The following CD109 variants were observed in gnomAD, a reference collection of about 807,000 sequenced individuals.
The protein encoded by CD109 is CD109 antigen.
In CD109, 149 loss-of-function variants were observed where a neutral mutation model predicts 165.8. The observed-to-expected ratio is 0.90, with a 90% CI of 0.79 to 1.03. The LOEUF is 1.03. Ranked by LOEUF, CD109 falls within the 50% of genes least tolerant of loss-of-function variation. CD109 has a pLI of 0.00. For missense variants in CD109, 1,712 were observed against 1,677.8 expected (o/e 1.02, Z -0.36); for synonymous variants, 585 against 592.1 (o/e 0.99, Z 0.18).
chr6:73,815,954 C>G (rs796181904), intron 30 of CD109, among the ~76,000 whole-genome samples: 23 of 152,300 alleles, frequency 1.5e-4, no homozygotes, highest in African/African-American at 5.3e-4. Context: ...TAAAATATCC[C>G]ATAGTGTCCT....
intron 2 of CD109, among the ~76,000 whole-genome samples, chr6:73,700,405 G>GC (rs1330740290): frequency 6.6e-6 from 1 of 151,906 alleles, no homozygotes; most frequent in Non-Finnish European, 1.5e-5. Context: ...GCCACCCCCA[G>GC]CCCCCCAACA....
chr6:73,801,235 A>G (rs1775350632), intron 23 of CD109, among the ~76,000 whole-genome samples: 1 of 152,230 alleles, frequency 6.6e-6, no homozygotes, highest in South Asian at 2.1e-4. Flanking sequence ...TGCACATGGT[A>G]TCTGTATCCG....
intron 23 of CD109, among the ~76,000 whole-genome samples, chr6:73,798,982 CCTT>C (rs1274614551): frequency 6.6e-6 from 1 of 152,074 alleles, no homozygotes. Context: ...CCTCTCCTCT[CCTT>C]CTCCTCTCTT....
At chr6:73,800,357 G>A (rs1775320347) in intron 23 of CD109, among the ~76,000 whole-genome samples, 2 of 151,878 alleles carry the variant, frequency 1.3e-5, no homozygotes, top group African/African-American at 2.4e-5. Flanking sequence ...CCAGTTTTGG[G>A]GCACTAAGAT....
chr6:73,820,355 A>G (rs1455783486), intron 31 of CD109, 106 bp from the exon 32 acceptor site: 6 of 599,042 alleles, frequency 1.0e-5, no homozygotes, highest in Non-Finnish European at 1.8e-5. Flanking sequence ...AATCCTCCCT[A>G]AGTGTTAGTC....
intron 22 of CD109, among the ~76,000 whole-genome samples, chr6:73,789,129 T>C (rs546966577): frequency 6.6e-6 from 1 of 152,312 alleles, no homozygotes; most frequent in South Asian, 2.1e-4. Context: ...CTTGGTCATG[T>C]ATATCTTAAA....
In CD109 at chr6:73,732,847, G is replaced by A. The variant is rs138484407; in HGVS notation, c.507+2273G>A. On this transcript the variant is annotated intron_variant, in intron 4 of 32. Coordinates refer to ENST00000287097, the MANE Select transcript of CD109 (RefSeq NM_133493.5). ...TGCAGTTTGGGACTTAGCAGACCAC[G>A]TTTGGCTTTCTGGAAAGGGCTCAGA... Among the ~76,000 whole-genome samples, 5 of 152,276 alleles carry A rather than the reference G, an allele frequency of 3.3e-5. No homozygotes were observed. The South Asian group carries it at 6.2e-4, about 19-fold the overall frequency.
Position 73,763,660 on chromosome 6 carries a change from A to C in CD109, c.1082A>C (p.Lys361Thr), listed in dbSNP as rs753920102. Residue 361 changes from lysine to threonine, a missense_variant, in exon 10 of 33, where the codon AAG becomes ACG. Physicochemically the swap from Lys to Thr is moderately conservative, Grantham distance 78 (BLOSUM62 -1). Coordinates refer to ENST00000287097, the MANE Select transcript of CD109 (RefSeq NM_133493.5). Reference protein sequence around the residue: ...IEFFDYTTVLKPSLNFTATVK... With the variant: ...IEFFDYTTVLTPSLNFTATVK... ...TTTTTTGATTATACTACTGTCTTGA[A>C]GCCATCTCTCAACTTCACAGCCACT... is the stretch of plus-strand genomic sequence containing the variant. The C allele has an allele frequency of 6.3e-7, 1 of 1,585,156 alleles. No homozygotes were observed. The highest frequency in any genetic ancestry group is 1.3e-5 in the African/African-American group (1 of 74,490).
rs1776324809 is a variant in CD109, at chr6:73,828,030, T to C, written c.*4397T>C. 6.5e-6 allele frequency: 1 copy of C among 154,794 alleles called. No individual in the cohort carries two copies. Among genetic ancestry groups the C allele is most frequent in the Non-Finnish European group, 1.5e-5 (1 of 68,210 alleles). 9.6% of individuals were successfully genotyped at this position (154,794 alleles called of 1,614,324 possible). A position where few individuals can be genotyped will look rare whatever the true frequency, so the allele number is the denominator to read the frequency against. ...TGGCTCAGTTCTGGTCCTTCAAGCC[T>C]GTATGGTTTGGATTTTCAGTAGGGG... is the stretch of plus-strand genomic sequence containing the variant. On this transcript the variant is annotated 3_prime_UTR_variant, in exon 33 of 33. Transcript: ENST00000287097.
intron 23 of CD109, among the ~76,000 whole-genome samples, chr6:73,802,289 G>GTATATATATATA (rs1554183442): frequency 5.1e-5 from 4 of 78,200 alleles, no homozygotes; most frequent in South Asian, 3.9e-4. Context: ...GTGTGTGTGT[G>GTATATATATATA]TATATATATA....
chr6:73,748,792 C>T (rs545344035), intron 5 of CD109, among the ~76,000 whole-genome samples: 59 of 152,206 alleles, frequency 3.9e-4, no homozygotes, highest in Admixed American at 9.8e-4. Flanking sequence ...TGTTTAGACT[C>T]TAAACAGGAA....
intron 5 of CD109, among the ~76,000 whole-genome samples, chr6:73,756,384 C>T (rs954952709): frequency 1.3e-5 from 2 of 151,998 alleles, no homozygotes; most frequent in African/African-American, 4.8e-5. Context: ...TTTAAATGAC[C>T]CGCAATGAAT....
In CD109 at chr6:73,772,983, G is replaced by A. The variant is rs370221187; in HGVS notation, c.1827+1402G>A. 1.1e-3 allele frequency among the ~76,000 whole-genome samples: 166 copies of A among 147,418 alleles called. 1 individual carries two copies. The highest frequency in any genetic ancestry group is 4.0e-3 in the African/African-American group (160 of 39,936). On this transcript the variant is annotated intron_variant, in intron 15 of 32. Transcript: ENST00000287097. ...CTGAGTTCACATTAGTTTTATGTCT[G>A]TAGATCTTGCATTTGATTTAACTGA...
intron 2 of CD109, among the ~76,000 whole-genome samples, chr6:73,707,240 G>A (rs1468877194): frequency 6.6e-6 from 1 of 152,198 alleles, no homozygotes; most frequent in Non-Finnish European, 1.5e-5. Flanking sequence ...ATGCTGCGAA[G>A]GATTCTGTAG....
At chr6:73,691,594 G>T (rs567772720), upstream of CD109, among the ~76,000 whole-genome samples, 1 of 152,202 alleles carries the variant, frequency 6.6e-6, no homozygotes, top group Admixed American at 6.5e-5. Flanking sequence ...TGACATGGAA[G>T]TTGGAGGTGG....
At chr6:73,710,158 G>C (rs184688316) in intron 2 of CD109, among the ~76,000 whole-genome samples, 9 of 152,292 alleles carry the variant, frequency 5.9e-5, no homozygotes, top group African/African-American at 2.2e-4. Context: ...AATTGTCCCT[G>C]TTTGTAGATG....
intron 5 of CD109, among the ~76,000 whole-genome samples, chr6:73,755,798 A>T (rs1285677650): frequency 1.5e-5 from 1 of 66,306 alleles, no homozygotes; most frequent in Non-Finnish European, 3.2e-5. Context: ...TGTTCTACTT[A>T]AAAAAAAAAA....
intron 4 of CD109, among the ~76,000 whole-genome samples, chr6:73,734,673 T>C (rs1014584854): frequency 1.3e-5 from 2 of 152,214 alleles, no homozygotes; most frequent in Non-Finnish European, 2.9e-5. Flanking sequence ...TTCTGGCTTA[T>C]TAGACTGCTT....
chr6:73,698,530 T>A (rs917807068), intron 2 of CD109, among the ~76,000 whole-genome samples: 8 of 151,910 alleles, frequency 5.3e-5, no homozygotes, highest in Non-Finnish European at 7.4e-5. Flanking sequence ...AAAAAAAAAA[T>A]TTAAGGCACG....
Sources: allele counts gnomAD v4.1 joint callset (sites outside exome capture counted in the v4.1 genomes callset), GRCh38; gene constraint gnomAD v4.1.1; transcripts MANE v1.5; gene names NCBI Gene and HGNC (gene_info 2026-07-23, HGNC 2026-07-21).